GATA3: variants seen among roughly 807,000 people sequenced by gnomAD.
The protein encoded by GATA3 is GATA binding protein 3.
A neutral mutation model predicts 36.0 loss-of-function variants in GATA3; 6 were observed. The ratio of observed to expected loss-of-function variants is 0.17; its 90% CI spans 0.09 to 0.33. GATA3 has a LOEUF of 0.33. Among genes scored for constraint, GATA3 ranks in the 10% least tolerant of loss-of-function variants. GATA3 has a pLI of 1.00. For synonymous variants in GATA3, 326 were observed against 273.0 expected, an observed-to-expected ratio of 1.19 and a Z score of -1.92; for missense variants, 514 against 610.1, an observed-to-expected ratio of 0.84 and a Z score of 1.66.
At chr10:8,046,626 C>A (rs959899171) in intron 1 of GATA3, among the ~76,000 whole-genome samples, 1 of 146,512 alleles carries the variant, frequency 6.8e-6, no homozygotes, top group Admixed American at 6.8e-5. Context: ...AAATGAGATG[C>A]TTGGGGGCCC....
In GATA3 at chr10:8,055,997, GC is replaced by G; in HGVS notation, c.241+106del. 1 of 1,442,412 alleles carries G rather than the reference GC, an allele frequency of 6.9e-7. No individual in the cohort carries two copies. The highest frequency in any genetic ancestry group is 9.5e-7 in the Non-Finnish European group (1 of 1,053,414). The allele number at this position is 1,442,412 out of a possible 1,614,324, so 89.4% of individuals were successfully genotyped here. On this transcript the variant is annotated intron_variant, in intron 2 of 5. Transcript: ENST00000379328. This position sits in a 1 kb window ranked among gnomAD's most constrained non-coding sequence, Gnocchi z 5.4. ...GAGGGCGGGGAGAGGTCAAGCGAAAGCCCCCATCTGCCGTTCCTGGTTCATT... is the reference window on the plus strand; with the variant it reads ...GAGGGCGGGGAGAGGTCAAGCGAAAGCCCCATCTGCCGTTCCTGGTTCATT...
intron 2 of GATA3, among the ~76,000 whole-genome samples, chr10:8,056,474 G>A (rs1412755278): frequency 6.6e-6 from 1 of 152,182 alleles, no homozygotes; most frequent in Non-Finnish European, 1.5e-5. Flanking sequence ...CAGAGCTAGT[G>A]CCTTTGGTTT....
chr10:8,051,445 A>C (rs1196442200), upstream of GATA3: 3 of 191,624 alleles, frequency 1.6e-5, no homozygotes, highest in African/African-American at 7.2e-5. Context: ...CCAGGCGTCC[A>C]GGTTGATCGC....
At chr10:8,056,020 C>G (rs1385693129) in intron 2 of GATA3, 124 bp downstream of exon 2, 1 of 1,343,698 alleles carries the variant, frequency 7.4e-7, no homozygotes, top group African/African-American at 1.5e-5. Context: ...GTTCCTGGTT[C>G]ATTTACAAAA....
rs373442518 is a variant in GATA3 at position 8,058,770 on chromosome 10, C to T, written c.707C>T (p.Pro236Leu). 2 of 1,610,754 alleles carry T rather than the reference C, an allele frequency of 1.2e-6. No homozygotes were observed. Among genetic ancestry groups the T allele is most frequent in the Non-Finnish European group, 1.7e-6 (2 of 1,179,752 alleles). ...GAGTACAGCTCCGGACTCTTCCCCC[C>T]CAGCAGCCTGCTGGGCGGCTCCCCC... The part of the protein sequence containing the change: ...VPEYSSGLFP[P>L]SSLLGGSPTG... The change falls in exon 3 of 6, where the codon CCC becomes CTC. Residue 236 changes from proline to leucine, a missense_variant. Pro to Leu is a moderately conservative substitution (Grantham distance 98). Coordinates refer to ENST00000379328, the MANE Select transcript of GATA3 (RefSeq NM_001002295.2).
Position 8,072,787 on chromosome 10 carries a change from G to C in GATA3, c.1051-952G>C, listed in dbSNP as rs1588390808. The stretch of plus-strand genomic sequence containing the variant: ...GGCTGTTTGTCTGGTTAGAAGTGGA[G>C]AGTCAGAGCTAGGTGGAAATAGCAC... On this transcript the variant is annotated intron_variant, in intron 5 of 5. Coordinates refer to ENST00000379328, the MANE Select transcript of GATA3 (RefSeq NM_001002295.2). 1.3e-5 allele frequency among the ~76,000 whole-genome samples: 2 copies of C among 152,288 alleles called. 1 individual carries two copies. The highest frequency in any genetic ancestry group is 4.1e-4 in the South Asian group (2 of 4,822).
intron 4 of GATA3, among the ~76,000 whole-genome samples, chr10:8,068,080 C>A (rs1306423898): frequency 1.3e-5 from 2 of 152,110 alleles, no homozygotes; most frequent in African/African-American, 4.8e-5. Flanking sequence ...TGACCCAACT[C>A]CATTTTCTTC....
At position 8,072,766 on chromosome 10, in the gene GATA3, G is replaced by C. The variant is rs1832950549; in HGVS notation, c.1051-973G>C. 2.6e-5 allele frequency among the ~76,000 whole-genome samples: 4 copies of C among 152,270 alleles called. No homozygotes were observed. In the South Asian group the frequency reaches 8.3e-4, roughly 32 times the overall value. On this transcript the variant is annotated intron_variant, in intron 5 of 5. Transcript: ENST00000379328. ...ATACATGTTGATTGGTTGGTTGGCT[G>C]TTTGTCTGGTTAGAAGTGGAGAGTC...
intron 4 of GATA3, among the ~76,000 whole-genome samples, chr10:8,069,240 G>A (rs1490604398): frequency 6.6e-6 from 1 of 152,146 alleles, no homozygotes; most frequent in East Asian, 1.9e-4. Flanking sequence ...AGCAGCAGGT[G>A]AAACTCTGAC....
At chr10:8,049,767 G>C (rs927330423), upstream of GATA3, among the ~76,000 whole-genome samples, 2 of 152,172 alleles carry the variant, frequency 1.3e-5, no homozygotes, top group Admixed American at 6.5e-5. Context: ...GGTTGGAGAC[G>C]GAGGTGTGCG....
At chr10:8,069,686 G>A (rs1434723160) in intron 5 of GATA3, 88 bp downstream of exon 5, 15 of 1,463,246 alleles carry the variant, frequency 1.0e-5, no homozygotes, top group African/African-American at 1.4e-5. Context: ...CAAGTGAATC[G>A]CTCACCATGG....
At chr10:8,050,227 T>C (rs1320665579), upstream of GATA3, among the ~76,000 whole-genome samples, 2 of 152,224 alleles carry the variant, frequency 1.3e-5, no homozygotes, top group African/African-American at 4.8e-5. Flanking sequence ...TAAACGTCTC[T>C]GGGCGGTTAT....
chr10:8,069,238 G>A (rs1832892438), intron 4 of GATA3, among the ~76,000 whole-genome samples: 1 of 152,132 alleles, frequency 6.6e-6, no homozygotes, highest in African/African-American at 2.4e-5. Flanking sequence ...GGAGCAGCAG[G>A]TGAAACTCTG....
At chr10:8,059,681 G>A (rs1423592090) in intron 3 of GATA3, among the ~76,000 whole-genome samples, 1 of 152,220 alleles carries the variant, frequency 6.6e-6, no homozygotes, top group Non-Finnish European at 1.5e-5. Context: ...CTAGCAGCAC[G>A]CTGCATTTTT....
upstream of GATA3, among the ~76,000 whole-genome samples, chr10:8,048,799 GC>G (rs1832423758): frequency 6.6e-6 from 1 of 152,164 alleles, no homozygotes; most frequent in Admixed American, 6.5e-5. Context: ...GAAATCCCCT[GC>G]CCTCTCCCTT....
upstream of GATA3, chr10:8,050,747 T>C: frequency 3.4e-6 from 1 of 291,208 alleles, no homozygotes; most frequent in South Asian, 3.1e-5. Flanking sequence ...GCTGCCTCGC[T>C]GGAAATCCGA....
chr10:8,070,451 T>TAA (rs1832913583), intron 5 of GATA3, among the ~76,000 whole-genome samples: 1 of 152,128 alleles, frequency 6.6e-6, no homozygotes, highest in Non-Finnish European at 1.5e-5. Context: ...AAGTTTACAT[T>TAA]AACTCTAAAG....
chr10:8,048,499 G>A (rs2131465189), intron 1 of GATA3, among the ~76,000 whole-genome samples: 1 of 152,288 alleles, frequency 6.6e-6, no homozygotes, highest in South Asian at 2.1e-4. Context: ...CAAGCCCCTG[G>A]CTAGGAGTCA....
chr10:8,067,614 A>T (rs12778032), intron 4 of GATA3, among the ~76,000 whole-genome samples: 9 of 152,062 alleles, frequency 5.9e-5, no homozygotes, highest in East Asian at 3.9e-4. Context: ...GTCAGGAGAT[A>T]GAGACCATCC....
Sources: allele counts gnomAD v4.1 joint callset (sites outside exome capture counted in the v4.1 genomes callset), GRCh38; gene constraint gnomAD v4.1.1; non-coding constraint Gnocchi (gnomAD v3.1); transcripts MANE v1.5; gene names NCBI Gene and HGNC (gene_info 2026-07-23, HGNC 2026-07-21).